The following C19orf18 variants were observed in gnomAD, a reference collection of about 807,000 sequenced individuals.
C19orf18 encodes the protein chromosome 19 open reading frame 18, also known as uncharacterized protein C19orf18.
In C19orf18, 21 loss-of-function variants were observed where a neutral mutation model predicts 23.3. The observed-to-expected ratio is 0.90, with a 90% confidence interval of 0.64 to 1.30. C19orf18 has a LOEUF of 1.30. Ranked by LOEUF, C19orf18 falls within the 50% of genes most tolerant of loss-of-function variation. C19orf18 has a pLI of 0.00. For missense variants in C19orf18, 249 were observed against 259.6 expected, an observed-to-expected ratio of 0.96 and a Z score of 0.28; for synonymous variants, 96 against 95.2, an observed-to-expected ratio of 1.01 and a Z score of -0.05.
Position 57,972,446 on chromosome 19 carries a change from C to G in C19orf18, c.268+17G>C, listed in dbSNP as rs1298072151. 6.2e-7 allele frequency: 1 copy of G among 1,613,718 alleles called. No homozygotes were observed. The highest frequency in any genetic ancestry group is 2.2e-5 in the East Asian group (1 of 44,890). ...AATGTTGCGGGTCCACCCGCCCTCC[C>G]AGATCCCTTGGCTTACCTTTATTCC... On this transcript the variant is annotated intron_variant, in intron 3 of 5. Transcript: ENST00000314391.
chr19:57,973,988 C>CT (rs2072965204), intron 2 of C19orf18, 111 bp downstream of exon 2: 1 of 1,026,186 alleles, frequency 9.7e-7, no homozygotes, highest in Non-Finnish European at 1.5e-6. Context: ...TAATTATACT[C>CT]TATTTTATGG....
chr19:57,970,602 TAC>T (rs2072938141), intron 3 of C19orf18, among the ~76,000 whole-genome samples: 1 of 152,190 alleles, frequency 6.6e-6, no homozygotes, highest in East Asian at 1.9e-4. Context: ...TTTTTTTTGT[TAC>T]AGAGTCTCGC....
In C19orf18 at chr19:57,966,829, T is replaced by C. The variant is rs551506381; in HGVS notation, c.269-197A>G. Among the ~76,000 whole-genome samples, 54 of 152,024 alleles carry C rather than the reference T, an allele frequency of 3.6e-4. No individual in the cohort carries two copies. The East Asian group carries it at 8.1e-3, about 23-fold the overall frequency. ...CTCTATCACCCAGGCTGGAGTGCAG[T>C]GCATGATCACAGCTCACCGCAACTT... is the stretch of plus-strand genomic sequence containing the variant. On this transcript the variant is annotated intron_variant, in intron 3 of 5. Coordinates refer to ENST00000314391, the MANE Select transcript of C19orf18 (RefSeq NM_152474.5).
chr19:57,961,931 T>C (rs1367458988), intron 4 of C19orf18, among the ~76,000 whole-genome samples: 1 of 151,560 alleles, frequency 6.6e-6, no homozygotes, highest in East Asian at 1.9e-4. Context: ...TCTCTTTCCT[T>C]CCTCCCTCCC....
chr19:57,964,878 T>A (rs2072897835), intron 4 of C19orf18, among the ~76,000 whole-genome samples: 1 of 152,142 alleles, frequency 6.6e-6, no homozygotes. Context: ...ATCTGTTGGT[T>A]TGGTCAGAAC....
intron 5 of C19orf18, among the ~76,000 whole-genome samples, chr19:57,959,981 C>T (rs572464014): frequency 2.6e-4 from 38 of 144,792 alleles, no homozygotes; most frequent in African/African-American, 9.5e-4. Flanking sequence ...TCATGGTGCA[C>T]GCCTGTAATC....
At chr19:57,963,318 C>T (rs1050380939) in intron 4 of C19orf18, among the ~76,000 whole-genome samples, 9 of 151,646 alleles carry the variant, frequency 5.9e-5, no homozygotes, top group Non-Finnish European at 1.0e-4. Flanking sequence ...CGTGAGCCAC[C>T]GCGCCCGGTC....
At chr19:57,959,370 C>T (rs193278980) in intron 5 of C19orf18, among the ~76,000 whole-genome samples, 1 of 152,232 alleles carries the variant, frequency 6.6e-6, no homozygotes, top group African/African-American at 2.4e-5. Context: ...TGCCTGTAAT[C>T]CCAGGACTTT....
At chr19:57,969,284 C>A (rs543843773) in intron 3 of C19orf18, among the ~76,000 whole-genome samples, 2 of 152,130 alleles carry the variant, frequency 1.3e-5, no homozygotes, top group Non-Finnish European at 2.9e-5. Flanking sequence ...CAGCCGGTTG[C>A]GGTGGCTCAT....
intron 3 of C19orf18, among the ~76,000 whole-genome samples, 155 bp downstream of exon 3, chr19:57,972,308 G>C (rs967265166): frequency 6.6e-6 from 1 of 152,192 alleles, no homozygotes; most frequent in Non-Finnish European, 1.5e-5. Flanking sequence ...GTGTCACTGC[G>C]CATCCCCCTC....
At chr19:57,967,998 C>T (rs1454885229) in intron 3 of C19orf18, among the ~76,000 whole-genome samples, 5 of 149,830 alleles carry the variant, frequency 3.3e-5, no homozygotes, top group East Asian at 1.9e-4. Context: ...GGCAACAGAG[C>T]GAGACCCTGT....
At chr19:57,960,895 A>T (rs2072864797) in intron 5 of C19orf18, among the ~76,000 whole-genome samples, 1 of 152,094 alleles carries the variant, frequency 6.6e-6, no homozygotes, top group African/African-American at 2.4e-5. Flanking sequence ...AAACCAAGCC[A>T]CAGGCCAGGC....
At position 57,966,562 on chromosome 19, in the gene C19orf18, C is replaced by G. The variant is rs1472188886; in HGVS notation, c.339G>C (p.Leu113=). ...LISSVAFSIA[L]ICGMAISYMI... ...TATAGGAGATTGCCATCCCACATATCAGGGCAATGCTGAAGGCTACGCTCG... is the reference window on the plus strand; with the variant it reads ...TATAGGAGATTGCCATCCCACATATGAGGGCAATGCTGAAGGCTACGCTCG... Residue 113 remains leucine (L), a synonymous_variant, in exon 4 of 6, where the codon CTG becomes CTC. Coordinates refer to ENST00000314391, the MANE Select transcript of C19orf18 (RefSeq NM_152474.5). 6.2e-6 allele frequency: 10 copies of G among 1,612,046 alleles called. No individual in the cohort carries two copies. The highest frequency in any genetic ancestry group is 8.5e-6 in the Non-Finnish European group (10 of 1,178,406).
chr19:57,969,375 T>C (rs2072928294), intron 3 of C19orf18, among the ~76,000 whole-genome samples: 1 of 149,388 alleles, frequency 6.7e-6, no homozygotes, highest in African/African-American at 2.5e-5. Flanking sequence ...GCCAACATGG[T>C]GAAACCCCAT....
Position 57,972,508 on chromosome 19 carries a change from A to C in C19orf18, c.227-4T>G. On this transcript the variant is annotated splice_region_variant and splice_polypyrimidine_tract_variant and intron_variant, in intron 2 of 5. Transcript: ENST00000314391. ...ATGGGGTTCGTAGGGGATGCAGCTA[A>C]AAGGCCATCAAAGGGGATCAAAAAG... 6.2e-7 allele frequency: 1 copy of C among 1,613,942 alleles called. No homozygotes were observed. Among genetic ancestry groups the C allele is most frequent in the South Asian group, 1.1e-5 (1 of 91,078 alleles).
chr19:57,961,619 C>G, intron 4 of C19orf18, 68 bp from the exon 5 acceptor site: 1 of 1,561,252 alleles, frequency 6.4e-7, no homozygotes, highest in Non-Finnish European at 8.7e-7. Flanking sequence ...CTCAACCATG[C>G]CACTTTTTGA....
Position 57,966,585 on chromosome 19 carries a change from T to C in C19orf18, c.316A>G (p.Ser106Gly). 6.2e-7 allele frequency: 1 copy of C among 1,613,514 alleles called. No individual in the cohort carries two copies. Among genetic ancestry groups the C allele is most frequent in the Non-Finnish European group, 8.5e-7 (1 of 1,179,558 alleles). The change falls in exon 4 of 6, where the codon AGC (serine) becomes GGC (glycine). Residue 106 changes from serine to glycine, a missense_variant. Physicochemically the swap from Ser to Gly is moderately conservative, Grantham distance 56. Transcript: ENST00000314391. ...ATCAGGGCAATGCTGAAGGCTACGCTCGAAATTAAAATTACTTTAACAAGA... is the reference window on the plus strand; with the variant it reads ...ATCAGGGCAATGCTGAAGGCTACGCCCGAAATTAAAATTACTTTAACAAGA... The part of the protein sequence containing the change: ...PALVKVILIS[S>G]VAFSIALICG...
rs112254671 is a variant in C19orf18 at position 57,966,337 on chromosome 19, T to G, written c.371+193A>C. Among the ~76,000 whole-genome samples the G allele has an allele frequency of 3.6e-3, 545 of 152,126 alleles. 1 individual carries two copies. The highest frequency in any genetic ancestry group is 5.6e-3 in the Non-Finnish European group (383 of 67,980). On this transcript the variant is annotated intron_variant, in intron 4 of 5. Coordinates refer to ENST00000314391, the MANE Select transcript of C19orf18 (RefSeq NM_152474.5). ...TATTCTGTCCTGTGTCTTTCTTTCT[T>G]TTTTTTTCATGTGTATCATGCCTCA... is the stretch of plus-strand genomic sequence containing the variant.
chr19:57,974,146 T>C lies in C19orf18; in HGVS notation c.179A>G (p.His60Arg). Reference protein sequence around the residue: ...NITKEPKVFFHKTQLPGIQGA... With the variant: ...NITKEPKVFFRKTQLPGIQGA... ...TTGAATCCCAGGCAACTGGGTTTTATGAAAGAACACTTTGGGCTCTTTGGT... is the reference window on the plus strand; with the variant it reads ...TTGAATCCCAGGCAACTGGGTTTTACGAAAGAACACTTTGGGCTCTTTGGT... The change falls in exon 2 of 6, where the codon CAT becomes CGT. Residue 60 changes from histidine (H) to arginine (R), a missense_variant. Coordinates refer to ENST00000314391, the MANE Select transcript of C19orf18 (RefSeq NM_152474.5). The C allele has an allele frequency of 1.9e-6, 3 of 1,614,186 alleles. No individual in the cohort carries two copies. Among genetic ancestry groups the C allele is most frequent in the East Asian group, 2.2e-5 (1 of 44,884 alleles).
Sources: gnomAD v4.1 joint callset for allele counts (sites outside exome capture counted in the v4.1 genomes callset) on GRCh38, gnomAD v4.1.1 for gene constraint, MANE v1.5 for transcripts, NCBI Gene and HGNC (gene_info 2026-07-23, HGNC 2026-07-21) for gene names.